The following SMURF1 variants were observed in gnomAD, a reference collection of about 807,000 sequenced individuals.
SMURF1 encodes the protein E3 ubiquitin-protein ligase SMURF1.
Under a neutral mutation model 98.0 loss-of-function variants are expected in SMURF1, and 44 were observed. The observed-to-expected ratio is 0.45, with a 90% CI of 0.35 to 0.58. The LOEUF (loss-of-function observed/expected upper bound fraction) is 0.58, where lower values mean the gene tolerates loss of function less well. SMURF1 is among the 20% of genes least tolerant of loss of function. The pLI, the probability that SMURF1 is intolerant of heterozygous loss-of-function variation, is 0.00. For missense variants in SMURF1, 687 were observed against 938.4 expected (o/e 0.73, Z 3.50); for synonymous variants, 396 against 374.9 (o/e 1.06, Z -0.65).
intron 1 of SMURF1, among the ~76,000 whole-genome samples, chr7:99,095,953 T>C (rs984691521): frequency 3.9e-5 from 6 of 152,170 alleles, no homozygotes; most frequent in Non-Finnish European, 8.8e-5. Context: ...AAAGGAGTCC[T>C]TTTAGAGTCT....
chr7:99,049,452 T>C, intron 9 of SMURF1, 111 bp downstream of exon 9: 4 of 1,116,338 alleles, frequency 3.6e-6, no homozygotes, highest in African/African-American at 1.6e-5. Flanking sequence ...ATTTTGACCA[T>C]GCTTATTATC....
chr7:99,093,972 T>G (rs190637251), intron 1 of SMURF1, among the ~76,000 whole-genome samples: 4 of 152,144 alleles, frequency 2.6e-5, no homozygotes, highest in African/African-American at 4.8e-5. Context: ...AATAGCTCAG[T>G]TGAAATTTAC....
At chr7:99,049,806 G>T (rs1795700586) in intron 8 of SMURF1, 97 bp from the exon 9 acceptor site, 2 of 1,220,316 alleles carry the variant, frequency 1.6e-6, no homozygotes, top group African/African-American at 1.5e-5. Context: ...CCTTATCAAG[G>T]TGTCTGTGTC....
intron 1 of SMURF1, chr7:99,120,787 A>G (rs1352852790): frequency 1.3e-5 from 2 of 150,974 alleles, no homozygotes; most frequent in Non-Finnish European, 3.0e-5. Flanking sequence ...CCACATGCAG[A>G]GCAGTGTAGT....
chr7:99,049,533 G>C (rs1415153238), intron 9 of SMURF1, 30 bp downstream of exon 9: 1 of 1,603,728 alleles, frequency 6.2e-7, no homozygotes, highest in Admixed American at 1.7e-5. Flanking sequence ...CAATGAAAGA[G>C]GTCAGCAAAA....
intron 3 of SMURF1, among the ~76,000 whole-genome samples, chr7:99,059,901 C>T (rs1162893827): frequency 2.2e-5 from 3 of 138,276 alleles, no homozygotes; most frequent in Non-Finnish European, 4.7e-5. Flanking sequence ...CAAAGCAAGA[C>T]TCCATCTCAA....
chr7:99,139,867 AAC>A (rs1200368570), intron 1 of SMURF1, among the ~76,000 whole-genome samples: 9 of 152,370 alleles, frequency 5.9e-5, no homozygotes, highest in African/African-American at 1.2e-4. Context: ...CATATTACCC[AAC>A]AGTTTTCAAA....
intron 1 of SMURF1, among the ~76,000 whole-genome samples, chr7:99,078,450 C>T (rs1796510987): frequency 6.6e-6 from 1 of 152,272 alleles, no homozygotes; most frequent in East Asian, 1.9e-4. Flanking sequence ...TTAAGATAAA[C>T]ATATACACAG....
At chr7:99,063,299 A>T (rs1415789989) in intron 1 of SMURF1, among the ~76,000 whole-genome samples, 1 of 31,464 alleles carries the variant, frequency 3.2e-5, no homozygotes, top group African/African-American at 7.8e-5. Flanking sequence ...ATATATATAT[A>T]TATATAAAAA....
At chr7:99,047,548 C>T (rs1795623521) in intron 10 of SMURF1, 136 bp downstream of exon 10, 1 of 846,780 alleles carries the variant, frequency 1.2e-6, no homozygotes, top group Non-Finnish European at 1.8e-6. Context: ...AAGAAGGGTT[C>T]CCTGAAACGC....
chr7:99,063,238 T>TATATATATATATATATATATATATATAAG (rs1491463254), intron 1 of SMURF1, among the ~76,000 whole-genome samples: 25 of 5,036 alleles, frequency 5.0e-3, no homozygotes, highest in Non-Finnish European at 0.03. Context: ...ATATAAGATT[T>TATATATATATATATATATATATATATAAG]ATTTATATAT....
At chr7:99,052,148 G>T in intron 7 of SMURF1, 57 bp downstream of exon 7, 1 of 1,417,618 alleles carries the variant, frequency 7.1e-7, no homozygotes, top group South Asian at 1.7e-5. Context: ...AAAAAAAAAA[G>T]TCAACTCATG....
intron 5 of SMURF1, among the ~76,000 whole-genome samples, chr7:99,056,969 CT>C (rs1475854007): frequency 1.5e-4 from 18 of 120,066 alleles, no homozygotes; most frequent in Non-Finnish European, 2.6e-4. Context: ...CACCACTGCA[CT>C]CCATCTCAAA....
intron 1 of SMURF1, among the ~76,000 whole-genome samples, chr7:99,113,978 A>C (rs1324026064): frequency 6.6e-6 from 1 of 152,114 alleles, no homozygotes; most frequent in African/African-American, 2.4e-5. Flanking sequence ...TCTTTTTAAA[A>C]TATGATTTAA....
At chr7:99,137,994 C>T (rs572344017) in intron 1 of SMURF1, among the ~76,000 whole-genome samples, 1 of 152,216 alleles carries the variant, frequency 6.6e-6, no homozygotes, top group South Asian at 2.1e-4. Flanking sequence ...GCCTTAGGGA[C>T]TTTAGTCAGT....
chr7:99,104,452 C>T (rs1447284602), intron 1 of SMURF1, among the ~76,000 whole-genome samples: 1 of 152,132 alleles, frequency 6.6e-6, no homozygotes, highest in African/African-American at 2.4e-5. Context: ...CAGGTTGAAA[C>T]CCCCCTCTTC....
intron 1 of SMURF1, among the ~76,000 whole-genome samples, chr7:99,089,919 G>A (rs1307663518): frequency 1.3e-5 from 2 of 152,154 alleles, no homozygotes; most frequent in Non-Finnish European, 2.9e-5. Flanking sequence ...TGGGGTAGGA[G>A]AGAAGGAAGG....
chr7:99,049,374 G>T (rs537069402), intron 9 of SMURF1, 189 bp downstream of exon 9: 4 of 607,780 alleles, frequency 6.6e-6, no homozygotes, highest in African/African-American at 5.6e-5. Flanking sequence ...ACAACATAGG[G>T]CTTCAGTGCT....
intron 16 of SMURF1, 111 bp downstream of exon 16, chr7:99,035,404 T>C (rs1175934239): frequency 2.4e-6 from 3 of 1,233,102 alleles, no homozygotes; most frequent in African/African-American, 1.5e-5. Context: ...ACATTCCTTA[T>C]GCCATTTTCT....
Sources: gnomAD v4.1 joint callset for allele counts (sites outside exome capture counted in the v4.1 genomes callset) on GRCh38, gnomAD v4.1.1 for gene constraint, MANE v1.5 for transcripts, NCBI Gene and HGNC (gene_info 2026-07-23, HGNC 2026-07-21) for gene names.